The following SDHAF3 variants were observed in gnomAD, a reference collection of about 807,000 sequenced individuals.
The protein encoded by SDHAF3 is succinate dehydrogenase complex assembly factor 3, also known as succinate dehydrogenase assembly factor 3, mitochondrial.
In SDHAF3, 18 loss-of-function variants were observed where a neutral mutation model predicts 11.5. The observed-to-expected ratio is 1.56, with a 90% CI of 1.08 to 2.32. SDHAF3 has a LOEUF of 2.32. Ranked by LOEUF, SDHAF3 falls within the 30% of genes most tolerant of loss-of-function variation. The probability of loss-of-function intolerance (pLI) is 0.00; values close to 1 mark genes in which losing one functional copy is unlikely to be tolerated. For synonymous variants in SDHAF3, 72 were observed against 59.3 expected, an observed-to-expected ratio of 1.21 and a Z score of -0.99; for missense variants, 200 against 154.4, an observed-to-expected ratio of 1.30 and a Z score of -1.57.
Position 97,181,239 on chromosome 7 carries a change from A to G in SDHAF3, c.*24A>G. On this transcript the variant is annotated 3_prime_UTR_variant, in exon 2 of 2. Coordinates refer to ENST00000432641, the MANE Select transcript of SDHAF3 (RefSeq NM_020186.3). Reference sequence around the variant, plus strand: ...AGTCTATACAACAAAGCTTAATAAGACATGCAAAAATTTAGAACCCCTACT... The same window carrying G: ...AGTCTATACAACAAAGCTTAATAAGGCATGCAAAAATTTAGAACCCCTACT... 1 of 1,559,920 alleles carries G rather than the reference A, an allele frequency of 6.4e-7. No homozygotes were observed. The highest frequency in any genetic ancestry group is 8.7e-7 in the Non-Finnish European group (1 of 1,153,076).
intron 1 of SDHAF3, among the ~76,000 whole-genome samples, chr7:97,147,180 C>A (rs765802665): frequency 1.3e-5 from 2 of 152,130 alleles, no homozygotes; most frequent in Non-Finnish European, 2.9e-5. Flanking sequence ...AAATCATAGG[C>A]CTTTTCAATT....
Position 97,181,399 on chromosome 7 carries a change from G to A in SDHAF3, c.*184G>A. ...TAGTGACAATTGAAAAAAACTATTG[G>A]AATAATAGCACTTGTATGAAATTCA... On this transcript the variant is annotated 3_prime_UTR_variant, in exon 2 of 2. Transcript: ENST00000432641. 2.1e-6 allele frequency: 1 copy of A among 475,654 alleles called. No individual in the cohort carries two copies. Among genetic ancestry groups the A allele is most frequent in the Non-Finnish European group, 3.7e-6 (1 of 272,138 alleles). 29.5% of individuals were successfully genotyped at this position (475,654 alleles called of 1,614,324 possible).
Position 97,181,201 on chromosome 7 carries a change from A to C in SDHAF3, c.364A>C (p.Lys122Gln), listed in dbSNP as rs1789768852. 1 of 1,612,706 alleles carries C rather than the reference A, an allele frequency of 6.2e-7. No individual in the cohort carries two copies. Among genetic ancestry groups the C allele is most frequent in the Admixed American group, 1.7e-5 (1 of 59,644 alleles). ...NRQFSISESM[K>Q]PKF ...GCAATTTAGTATTTCTGAGTCTATG[A>C]AACCAAAATTTTAGTCTATACAACA... The change falls in exon 2 of 2, where the codon AAA (lysine) becomes CAA (glutamine). Residue 122 changes from lysine to glutamine, a missense_variant. Transcript: ENST00000432641.
intron 1 of SDHAF3, among the ~76,000 whole-genome samples, chr7:97,122,057 CTG>C (rs1299161136): frequency 6.6e-6 from 1 of 152,086 alleles, no homozygotes; most frequent in African/African-American, 2.4e-5. Context: ...TGGGGTTTCA[CTG>C]TGTTAGCCAG....
At chr7:97,143,828 T>C (rs2115674345) in intron 1 of SDHAF3, among the ~76,000 whole-genome samples, 1 of 152,276 alleles carries the variant, frequency 6.6e-6, no homozygotes, top group East Asian at 1.9e-4. Flanking sequence ...AAAAAGATTA[T>C]CTTTTCCTCT....
At chr7:97,151,604 T>C (rs1789223077) in intron 1 of SDHAF3, among the ~76,000 whole-genome samples, 2 of 151,634 alleles carry the variant, frequency 1.3e-5, no homozygotes, top group South Asian at 4.2e-4. Context: ...GTTCCTGCCA[T>C]TCTCCTGCCT....
chr7:97,150,708 C>T (rs1472044956), intron 1 of SDHAF3, among the ~76,000 whole-genome samples: 9 of 151,796 alleles, frequency 5.9e-5, no homozygotes, highest in East Asian at 1.9e-4. Flanking sequence ...GGACTACAGG[C>T]GCCCACCACC....
chr7:97,140,699 A>T (rs935703909), intron 1 of SDHAF3, among the ~76,000 whole-genome samples: 1 of 152,044 alleles, frequency 6.6e-6, no homozygotes, highest in Admixed American at 6.5e-5. Flanking sequence ...GTGATTTCCA[A>T]TGCCTGTCTT....
chr7:97,127,899 T>G (rs1791600258), intron 1 of SDHAF3, among the ~76,000 whole-genome samples: 2 of 53,492 alleles, frequency 3.7e-5, no homozygotes, highest in Admixed American at 3.7e-4. Context: ...TACATCAAGT[T>G]TTTTTTTTTT....
At position 97,117,710 on chromosome 7, in the gene SDHAF3, C is replaced by A. The variant is rs112598522; in HGVS notation, c.-14C>A. On this transcript the variant is annotated 5_prime_UTR_variant, in exon 1 of 2. Coordinates refer to ENST00000432641, the MANE Select transcript of SDHAF3 (RefSeq NM_020186.3). ...CCTCTGCGCAGGCGCAGTCGGCGGT[C>A]GGCGTGGGGCGCTATGCCGGGGCGG... 6.2e-7 allele frequency: 1 copy of A among 1,605,646 alleles called. No individual in the cohort carries two copies.
At chr7:97,121,412 A>G (rs1479836081) in intron 1 of SDHAF3, among the ~76,000 whole-genome samples, 2 of 152,162 alleles carry the variant, frequency 1.3e-5, no homozygotes, top group African/African-American at 2.4e-5. Context: ...TTTCTGTCCC[A>G]TGTATTTTTC....
intron 1 of SDHAF3, among the ~76,000 whole-genome samples, chr7:97,118,195 A>G (rs6973369): frequency 0.39 from 59,952 of 151,974 alleles, 12,087 homozygotes; most frequent in East Asian, 0.49. Context: ...AGTGCTCAAA[A>G]ACCTCAGGAG....
At chr7:97,118,034 A>G in intron 1 of SDHAF3, 137 bp downstream of exon 1, 1 of 1,071,366 alleles carries the variant, frequency 9.3e-7, no homozygotes, top group Non-Finnish European at 1.3e-6. Flanking sequence ...TGTTCAGGTA[A>G]CACTTTCCAA....
rs917082669 is a variant in SDHAF3, at chr7:97,181,116, T to A, written c.279T>A (p.Phe93Leu). The change falls in exon 2 of 2, where the codon TTT becomes TTA. Residue 93 changes from phenylalanine to leucine, a missense_variant. Coordinates refer to ENST00000432641, the MANE Select transcript of SDHAF3 (RefSeq NM_020186.3). ...TCCCAGAAGAAAAACTTAATGACTT[T>A]CGTGATGAACAAATTGGACAGTTGC... is the stretch of plus-strand genomic sequence containing the variant. ...TFLPEEKLND[F>L]RDEQIGQLQE... The A allele has an allele frequency of 3.7e-6, 6 of 1,614,026 alleles. No homozygotes were observed. Among genetic ancestry groups the A allele is most frequent in the Non-Finnish European group, 5.1e-6 (6 of 1,179,946 alleles).
intron 1 of SDHAF3, among the ~76,000 whole-genome samples, chr7:97,159,422 T>G (rs1789362616): frequency 6.6e-6 from 1 of 152,204 alleles, no homozygotes; most frequent in Admixed American, 6.5e-5. Context: ...GTTAGTCTGT[T>G]GTTTTCCCCC....
intron 1 of SDHAF3, among the ~76,000 whole-genome samples, chr7:97,143,665 CTGTG>C (rs3029495): frequency 0.069 from 10,188 of 147,916 alleles, 741 homozygotes; most frequent in East Asian, 0.33. Flanking sequence ...TAGTGTTCCA[CTGTG>C]TGTGTGTGTG....
At chr7:97,145,586 A>T (rs1181584544) in intron 1 of SDHAF3, among the ~76,000 whole-genome samples, 1 of 152,208 alleles carries the variant, frequency 6.6e-6, no homozygotes, top group African/African-American at 2.4e-5. Flanking sequence ...AGATGAATAT[A>T]TGAAACCCAA....
chr7:97,124,879 G>A (rs573328280), intron 1 of SDHAF3, among the ~76,000 whole-genome samples: 2 of 152,316 alleles, frequency 1.3e-5, no homozygotes, highest in African/African-American at 4.8e-5. Flanking sequence ...TTGTTTATCA[G>A]CTTAAGGAGT....
At chr7:97,122,921 TTTTTTTTTCC>T (rs1403798137) in intron 1 of SDHAF3, among the ~76,000 whole-genome samples, 1 of 152,132 alleles carries the variant, frequency 6.6e-6, no homozygotes, top group Non-Finnish European at 1.5e-5. Context: ...TCTTTTCTTT[TTTTTTTTTCC>T]ATCTGTATGT....
Sources: allele counts gnomAD v4.1 joint callset (sites outside exome capture counted in the v4.1 genomes callset), GRCh38; gene constraint gnomAD v4.1.1; transcripts MANE v1.5; gene names NCBI Gene and HGNC (gene_info 2026-07-23, HGNC 2026-07-21).